KAZN: variants seen among roughly 807,000 people sequenced by gnomAD.
KAZN encodes kazrin, periplakin interacting protein, also known as kazrin.
KAZN carries 40 observed loss-of-function variants against 87.4 expected under a neutral mutation model. The observed-to-expected ratio is 0.46, with a 90% confidence interval of 0.36 to 0.60. KAZN has a LOEUF of 0.60. Among genes scored for constraint, KAZN ranks in the 20% least tolerant of loss-of-function variants. KAZN has a pLI of 0.00. For missense variants in KAZN, 898 were observed against 1,073.9 expected (o/e 0.84, Z 2.29); for synonymous variants, 466 against 458.3 (o/e 1.02, Z -0.22).
At chr1:15,053,657 C>G (rs1674650310) in intron 4 of KAZN, among the ~76,000 whole-genome samples, 1 of 152,188 alleles carries the variant, frequency 6.6e-6, no homozygotes, top group Non-Finnish European at 1.5e-5. Flanking sequence ...GGTTTGGTAC[C>G]CAGGTTGGAT....
chr1:14,524,399 C>T (rs910034781), intron 2 of KAZN, among the ~76,000 whole-genome samples: 1 of 152,110 alleles, frequency 6.6e-6, no homozygotes, highest in Non-Finnish European at 1.5e-5. Context: ...GCCAATGACC[C>T]ACATTCTAGA....
intron 1 of KAZN, among the ~76,000 whole-genome samples, chr1:14,096,375 C>T (rs764073874): frequency 6.6e-6 from 1 of 152,182 alleles, no homozygotes; most frequent in Non-Finnish European, 1.5e-5. Context: ...ACTCACTGAG[C>T]ACCTCCCGGG....
intron 4 of KAZN, among the ~76,000 whole-genome samples, chr1:15,049,486 C>T (rs986708528): frequency 1.3e-5 from 2 of 152,110 alleles, no homozygotes; most frequent in African/African-American, 4.8e-5. Context: ...TCCACCCCAG[C>T]CCCCCAGTGT....
Position 14,068,080 on chromosome 1 carries a change from G to A in KAZN, c.92-112355G>A, listed in dbSNP as rs543454211. Among the ~76,000 whole-genome samples the A allele has an allele frequency of 9.2e-5, 14 of 152,122 alleles. No homozygotes were observed. The South Asian group carries it at 1.0e-3, about 11-fold the overall frequency. ...CTGGATTTAGGGGTAGGTGGAGCCC[G>A]CCTTAACTGCTGGCAAGAGTGAGGG... is the stretch of plus-strand genomic sequence containing the variant. On this transcript the variant is annotated intron_variant, in intron 1 of 16. Transcript: ENST00000636203.
At chr1:14,684,451 T>C (rs1640844681) in intron 1 of KAZN, among the ~76,000 whole-genome samples, 1 of 152,188 alleles carries the variant, frequency 6.6e-6, no homozygotes, top group Admixed American at 6.5e-5. Flanking sequence ...GGTGTGTTCA[T>C]TTCCTGTGGC....
intron 1 of KAZN, among the ~76,000 whole-genome samples, chr1:13,940,609 A>C (rs1303609333): frequency 6.6e-6 from 1 of 152,254 alleles, no homozygotes; most frequent in African/African-American, 2.4e-5. Flanking sequence ...ATCAATGACA[A>C]CTCTAGAGTT....
At chr1:14,984,031 G>A (rs1336492672) in intron 2 of KAZN, among the ~76,000 whole-genome samples, 2 of 152,184 alleles carry the variant, frequency 1.3e-5, no homozygotes, top group Non-Finnish European at 2.9e-5. Flanking sequence ...TGTAGGCAGT[G>A]CTTTGGAGTA....
At chr1:15,101,809 A>T (rs939775665) in intron 11 of KAZN, 35 bp downstream of exon 11, 2 of 1,398,726 alleles carry the variant, frequency 1.4e-6, no homozygotes, top group Admixed American at 3.9e-5. Context: ...GGCACCTTCC[A>T]CTGCCCACCC....
chr1:14,490,258 A>T (rs191964845), intron 2 of KAZN, among the ~76,000 whole-genome samples: 320 of 152,266 alleles, frequency 2.1e-3, no homozygotes, highest in Non-Finnish European at 3.1e-3. Context: ...ACCCTTTTAT[A>T]TCAGGAAAAA....
chr1:13,895,927 G>T (rs1639022710), intron 1 of KAZN, among the ~76,000 whole-genome samples: 1 of 150,322 alleles, frequency 6.7e-6, no homozygotes, highest in Non-Finnish European at 1.5e-5. Context: ...ACTTTTCAAT[G>T]ATACCATTTC....
At chr1:14,678,378 G>A (rs1217554627) in intron 1 of KAZN, among the ~76,000 whole-genome samples, 1 of 152,212 alleles carries the variant, frequency 6.6e-6, no homozygotes, top group Non-Finnish European at 1.5e-5. Flanking sequence ...CTTAACACCA[G>A]TGGTTTGCGA....
chr1:15,030,301 T>A (rs1473733580), intron 2 of KAZN, among the ~76,000 whole-genome samples: 1 of 152,184 alleles, frequency 6.6e-6, no homozygotes, highest in Non-Finnish European at 1.5e-5. Flanking sequence ...AGAGTCTCAC[T>A]CTGTCTCCCA....
chr1:15,030,781 G>A (rs955458033), intron 2 of KAZN, among the ~76,000 whole-genome samples: 2 of 152,228 alleles, frequency 1.3e-5, no homozygotes, highest in Non-Finnish European at 1.5e-5. Flanking sequence ...AGCCCAGCAG[G>A]CCTGGAATTC....
intron 3 of KAZN, among the ~76,000 whole-genome samples, chr1:15,036,390 C>G (rs1672335689): frequency 6.6e-6 from 1 of 151,372 alleles, no homozygotes; most frequent in Admixed American, 6.6e-5. Context: ...TGCCCAGCTC[C>G]CCCTGCCCTG....
At chr1:14,616,349 A>G (rs940085841) in intron 1 of KAZN, among the ~76,000 whole-genome samples, 3 of 152,112 alleles carry the variant, frequency 2.0e-5, no homozygotes, top group African/African-American at 4.8e-5. Context: ...CCATCAACTC[A>G]TCCTTTCTGT....
At chr1:14,246,082 C>T (rs1030169701) in intron 2 of KAZN, among the ~76,000 whole-genome samples, 2 of 152,134 alleles carry the variant, frequency 1.3e-5, no homozygotes, top group African/African-American at 4.8e-5. Flanking sequence ...ATGCAGGAAC[C>T]AAACACCACA....
chr1:14,532,879 A>T (rs949508616), intron 2 of KAZN, among the ~76,000 whole-genome samples: 3 of 152,006 alleles, frequency 2.0e-5, no homozygotes, highest in African/African-American at 7.3e-5. Flanking sequence ...GTTGTTGGAC[A>T]TTTGGGTTGG....
intron 4 of KAZN, among the ~76,000 whole-genome samples, chr1:15,053,525 C>T (rs1007097245): frequency 3.3e-5 from 5 of 152,158 alleles, no homozygotes; most frequent in East Asian, 1.9e-4. Context: ...AGCCCCAGGC[C>T]GGGTGCTGGG....
At chr1:15,051,979 TC>T (rs1282659789) in intron 4 of KAZN, among the ~76,000 whole-genome samples, 1 of 152,186 alleles carries the variant, frequency 6.6e-6, no homozygotes, top group Non-Finnish European at 1.5e-5. Context: ...AGCTTGACGT[TC>T]CAAGTTCTGA....
Sources: gnomAD v4.1 joint callset for allele counts (sites outside exome capture counted in the v4.1 genomes callset) on GRCh38, gnomAD v4.1.1 for gene constraint, MANE v1.5 for transcripts, NCBI Gene and HGNC (gene_info 2026-07-23, HGNC 2026-07-21) for gene names.